Variants in SLC4A8 observed in about 807,000 individuals in gnomAD.
The protein encoded by SLC4A8 is solute carrier family 4 member 8, also known as electroneutral sodium bicarbonate exchanger 1.
A neutral mutation model predicts 125.0 loss-of-function variants in SLC4A8; 40 were observed. That is an observed-to-expected ratio of 0.32 (90% CI 0.25 to 0.42). SLC4A8 has a LOEUF of 0.42. Among genes scored for constraint, SLC4A8 ranks in the 10% least tolerant of loss-of-function variants. The probability of loss-of-function intolerance (pLI) is 1.00; values close to 1 mark genes in which losing one functional copy is unlikely to be tolerated. For synonymous variants in SLC4A8, 456 were observed against 476.0 expected (o/e 0.96, Z 0.55); for missense variants, 863 against 1,355.1 (o/e 0.64, Z 5.70).
At chr12:51,474,288 T>C in intron 14 of SLC4A8, 54 bp from the exon 15 acceptor site, 1 of 1,175,842 alleles carries the variant, frequency 8.5e-7, no homozygotes, top group Non-Finnish European at 1.2e-6. Context: ...CTAAAAACAT[T>C]TAACTGAGTA....
intron 17 of SLC4A8, among the ~76,000 whole-genome samples, chr12:51,488,394 T>C (rs1951215560): frequency 1.3e-5 from 2 of 152,124 alleles, no homozygotes; most frequent in Non-Finnish European, 2.9e-5. Flanking sequence ...TTCATAGTTA[T>C]CTCTTCATGC....
chr12:51,498,984 G>A (rs1937712155), intron 22 of SLC4A8, among the ~76,000 whole-genome samples: 1 of 145,296 alleles, frequency 6.9e-6, no homozygotes, highest in African/African-American at 2.5e-5. Context: ...AGGAGTTTGA[G>A]ACCTGACCAA....
At chr12:51,489,604 C>T in intron 18 of SLC4A8, 96 bp from the exon 19 acceptor site, 2 of 1,489,310 alleles carry the variant, frequency 1.3e-6, no homozygotes, top group Admixed American at 1.8e-5. Flanking sequence ...TATCCATACA[C>T]CCCTTCATGC....
chr12:51,398,823 C>G (rs1368454393), intron 1 of SLC4A8, among the ~76,000 whole-genome samples: 1 of 152,334 alleles, frequency 6.6e-6, no homozygotes, highest in East Asian at 1.9e-4. Flanking sequence ...GATCTCGGCT[C>G]ATTGCAATCT....
chr12:51,461,798 A>C, intron 9 of SLC4A8: 1 of 199,722 alleles, frequency 5.0e-6, no homozygotes. Flanking sequence ...TAAGGACTGC[A>C]CTGCTCGGTA....
intron 11 of SLC4A8, among the ~76,000 whole-genome samples, chr12:51,468,551 A>T (rs1950592032): frequency 6.6e-6 from 1 of 152,190 alleles, no homozygotes; most frequent in Admixed American, 6.5e-5. Context: ...TGAGGTCAGG[A>T]GGTCGAGACC....
intron 2 of SLC4A8, among the ~76,000 whole-genome samples, chr12:51,448,289 GA>G (rs1333628948): frequency 2.0e-5 from 3 of 152,116 alleles, no homozygotes; most frequent in African/African-American, 7.2e-5. Flanking sequence ...CTAATCTATA[GA>G]AAGTACGGTG....
At chr12:51,474,223 T>C (rs1950795882) in intron 14 of SLC4A8, 119 bp from the exon 15 acceptor site, 4 of 596,220 alleles carry the variant, frequency 6.7e-6, no homozygotes, top group Non-Finnish European at 1.2e-5. Flanking sequence ...TCCTCAGGTC[T>C]GAAGTATGCA....
At chr12:51,453,449 A>G (rs1002290037) in intron 4 of SLC4A8, 90 bp from the exon 5 acceptor site, 4 of 1,309,328 alleles carry the variant, frequency 3.1e-6, no homozygotes, top group East Asian at 2.3e-5. Flanking sequence ...GACTATCCAG[A>G]TATCTTCCTC....
At chr12:51,458,269 G>A (rs1950218155) in intron 6 of SLC4A8, among the ~76,000 whole-genome samples, 1 of 152,154 alleles carries the variant, frequency 6.6e-6, no homozygotes, top group African/African-American at 2.4e-5. Flanking sequence ...TTCCATAGGG[G>A]TCTCTCATAT....
At chr12:51,501,119 G>A (rs1342985131) in intron 22 of SLC4A8, among the ~76,000 whole-genome samples, 1 of 152,104 alleles carries the variant, frequency 6.6e-6, no homozygotes, top group Non-Finnish European at 1.5e-5. Context: ...GTGAGCCACC[G>A]TGCCCGGCCA....
chr12:51,463,739 G>A lies in SLC4A8; in HGVS notation c.1349+25G>A, dbSNP rs755019434. The A allele has an allele frequency of 4.2e-5, 62 of 1,493,646 alleles. No homozygotes were observed. The Admixed American group carries it at 9.1e-4, about 22-fold the overall frequency. 92.5% of individuals were successfully genotyped at this position (1,493,646 alleles called of 1,614,324 possible). A position where few individuals can be genotyped will look rare whatever the true frequency, so the allele number is the denominator to read the frequency against. On this transcript the variant is annotated intron_variant, in intron 11 of 24. Transcript: ENST00000453097. ...GGTAAGTCCTGGGACGTTTCACAGC[G>A]ATGCTGCTTATTGGGTAGAAGTTAT... is the stretch of plus-strand genomic sequence containing the variant.
chr12:51,475,259 C>T, intron 16 of SLC4A8, 53 bp downstream of exon 16: 2 of 1,565,322 alleles, frequency 1.3e-6, no homozygotes, highest in South Asian at 1.1e-5. Context: ...TATAACAGAA[C>T]CTTTTCTCAG....
rs116964485 is a variant in SLC4A8 at position 51,481,592 on chromosome 12, G to A, written c.2173-4195G>A. On this transcript the variant is annotated intron_variant, in intron 16 of 24. Coordinates refer to ENST00000453097, the MANE Select transcript of SLC4A8 (RefSeq NM_001039960.3). ...GGGCAGGGGCAGGACTAGGGGATGG[G>A]AGTAGATAAAACTGTGATTCTATCC... is the stretch of plus-strand genomic sequence containing the variant. Among the ~76,000 whole-genome samples, 19 of 152,144 alleles carry A rather than the reference G, an allele frequency of 1.2e-4. No homozygotes were observed. In the East Asian group the frequency reaches 3.7e-3, roughly 29 times the overall value.
intron 16 of SLC4A8, among the ~76,000 whole-genome samples, chr12:51,476,639 C>T (rs908484013): frequency 5.9e-5 from 9 of 152,028 alleles, no homozygotes; most frequent in South Asian, 2.1e-4. Flanking sequence ...ATTTTGCTGG[C>T]GAGAGATCTA....
At chr12:51,458,949 G>GCTCTCCAGCAGTTCCTT in intron 7 of SLC4A8, among the ~76,000 whole-genome samples, 1 of 152,242 alleles carries the variant, frequency 6.6e-6, no homozygotes, top group South Asian at 2.1e-4. Context: ...TTTGGTACCT[G>GCTCTCCAGCAGTTCCTT]CTCTCCAGCA....
chr12:51,453,068 A>G (rs1345790293), intron 4 of SLC4A8, among the ~76,000 whole-genome samples: 4 of 152,224 alleles, frequency 2.6e-5, no homozygotes, highest in African/African-American at 7.2e-5. Context: ...CATCTTGGCA[A>G]ACTTCTAAAG....
At chr12:51,500,094 T>A (rs1937784213) in intron 22 of SLC4A8, among the ~76,000 whole-genome samples, 1 of 152,138 alleles carries the variant, frequency 6.6e-6, no homozygotes, top group Non-Finnish European at 1.5e-5. Flanking sequence ...GACTCTTAGA[T>A]TTTTGGACTG....
chr12:51,443,091 C>A (rs1364475346), intron 2 of SLC4A8, among the ~76,000 whole-genome samples: 4 of 152,076 alleles, frequency 2.6e-5, no homozygotes, highest in Non-Finnish European at 5.9e-5. Context: ...TATTAAACAA[C>A]AACCTCTAGT....
Sources: gnomAD v4.1 joint callset for allele counts (sites outside exome capture counted in the v4.1 genomes callset) on GRCh38, gnomAD v4.1.1 for gene constraint, MANE v1.5 for transcripts, NCBI Gene and HGNC (gene_info 2026-07-23, HGNC 2026-07-21) for gene names.